Variants in LMBR1 observed in about 807,000 individuals in gnomAD.
The protein encoded by LMBR1 is limb development membrane protein 1, also known as limb region 1 protein homolog.
Under a neutral mutation model 73.9 loss-of-function variants are expected in LMBR1, and 52 were observed. The observed-to-expected ratio is 0.70, with a 90% CI of 0.56 to 0.89. The LOEUF is 0.89. LMBR1 is among the 40% of genes least tolerant of loss of function. The pLI is 0.00. For missense variants in LMBR1, 539 were observed against 579.8 expected, an observed-to-expected ratio of 0.93 and a Z score of 0.72; for synonymous variants, 215 against 209.4, an observed-to-expected ratio of 1.03 and a Z score of -0.23.
intron 15 of LMBR1, among the ~76,000 whole-genome samples, chr7:156,718,285 A>C (rs901090390): frequency 3.3e-5 from 5 of 151,914 alleles, no homozygotes; most frequent in African/African-American, 1.2e-4. Flanking sequence ...CTGTAATCCC[A>C]GGTACTTGCG....
chr7:156,687,981 A>G, intron 16 of LMBR1, 49 bp downstream of exon 16: 2 of 1,480,866 alleles, frequency 1.4e-6, no homozygotes, highest in Non-Finnish European at 1.8e-6. Flanking sequence ...TCAAATGTCA[A>G]AATTATTTAG....
At chr7:156,802,390 C>T (rs1229265833) in intron 4 of LMBR1, among the ~76,000 whole-genome samples, 1 of 152,126 alleles carries the variant, frequency 6.6e-6, no homozygotes, top group Non-Finnish European at 1.5e-5. Flanking sequence ...TTTTTTATTT[C>T]CCAATGCCTG....
chr7:156,833,725 C>A lies in LMBR1; in HGVS notation c.179+28G>T, dbSNP rs547440650. On this transcript the variant is annotated intron_variant, in intron 3 of 16. Coordinates refer to ENST00000353442, the MANE Select transcript of LMBR1 (RefSeq NM_022458.4). ...GAATTGATGACTTCAGAATCAGAAA[C>A]AGAACAACTGAACTTTAAAATACAT... 1.5e-5 allele frequency: 24 copies of A among 1,561,282 alleles called. No homozygotes were observed. In the East Asian group the frequency reaches 4.3e-4, roughly 28 times the overall value.
At chr7:156,727,888 T>C (rs763061280) in intron 12 of LMBR1, 42 bp downstream of exon 12, 1 of 1,393,866 alleles carries the variant, frequency 7.2e-7, no homozygotes. Flanking sequence ...AGACATAGAA[T>C]ACTTTTGCAA....
At chr7:156,808,547 T>C (rs150762515) in intron 4 of LMBR1, among the ~76,000 whole-genome samples, 36 of 152,344 alleles carry the variant, frequency 2.4e-4, no homozygotes, top group African/African-American at 7.9e-4. Flanking sequence ...TGCCTTTTAG[T>C]TGTAGTGTTT....
intron 15 of LMBR1, 42 bp downstream of exon 15, chr7:156,724,070 A>G (rs1815188338): frequency 6.9e-7 from 1 of 1,458,104 alleles, no homozygotes; most frequent in Non-Finnish European, 9.6e-7. Flanking sequence ...ACAGTTTTTA[A>G]AAACATGGAT....
intron 4 of LMBR1, among the ~76,000 whole-genome samples, chr7:156,804,008 G>T (rs1364439444): frequency 1.6e-5 from 2 of 123,736 alleles, no homozygotes; most frequent in Non-Finnish European, 3.4e-5. Flanking sequence ...TGGGGGGAGG[G>T]GGGAGGGATA....
chr7:156,671,980 G>A (rs903587570), intron 4 of LMBR1, among the ~76,000 whole-genome samples: 7 of 152,152 alleles, frequency 4.6e-5, no homozygotes, highest in Admixed American at 3.9e-4. Flanking sequence ...CTTGTGGAAT[G>A]GAATATTTCA....
intron 1 of LMBR1, among the ~76,000 whole-genome samples, chr7:156,868,200 T>C (rs1196612513): frequency 1.3e-5 from 2 of 151,078 alleles, no homozygotes; most frequent in Non-Finnish European, 3.0e-5. Flanking sequence ...ATTTTCTTTT[T>C]TTTTTTTTTT....
At chr7:156,736,127 T>C (rs921901509) in intron 9 of LMBR1, among the ~76,000 whole-genome samples, 2 of 152,196 alleles carry the variant, frequency 1.3e-5, no homozygotes, top group Non-Finnish European at 2.9e-5. Context: ...GACGTCCTAA[T>C]GGCATAGCTT....
intron 3 of LMBR1, among the ~76,000 whole-genome samples, chr7:156,829,307 TC>T (rs1362161854): frequency 2.6e-5 from 4 of 152,178 alleles, no homozygotes; most frequent in Non-Finnish European, 5.9e-5. Flanking sequence ...ATCTGTCCCC[TC>T]CAAATATCAT....
At chr7:156,802,155 G>A (rs1414561180) in intron 4 of LMBR1, among the ~76,000 whole-genome samples, 1 of 152,172 alleles carries the variant, frequency 6.6e-6, no homozygotes, top group Non-Finnish European at 1.5e-5. Flanking sequence ...GCTAATTTTT[G>A]TATTTTCAGT....
intron 15 of LMBR1, among the ~76,000 whole-genome samples, chr7:156,704,264 C>T (rs1047107326): frequency 1.4e-4 from 21 of 152,148 alleles, no homozygotes; most frequent in African/African-American, 5.1e-4. Context: ...CATTCCAGTC[C>T]CCAGTACAAC....
At chr7:156,864,873 G>A (rs1798229906) in intron 1 of LMBR1, among the ~76,000 whole-genome samples, 1 of 151,694 alleles carries the variant, frequency 6.6e-6, no homozygotes, top group Non-Finnish European at 1.5e-5. Flanking sequence ...GTGGGTGCTT[G>A]TAATACCAGG....
At chr7:156,674,713 G>A (rs947540116), downstream of LMBR1, among the ~76,000 whole-genome samples, 14 of 152,152 alleles carry the variant, frequency 9.2e-5, no homozygotes, top group African/African-American at 2.4e-5. Context: ...ACAAAGTACT[G>A]TATTCAATTA....
intron 4 of LMBR1, among the ~76,000 whole-genome samples, chr7:156,813,758 T>C (rs1332507675): frequency 6.6e-6 from 1 of 152,178 alleles, no homozygotes; most frequent in Non-Finnish European, 1.5e-5. Context: ...AATTTTAAAA[T>C]AATAATGAAA....
intron 4 of LMBR1, among the ~76,000 whole-genome samples, chr7:156,672,045 GA>G (rs11289679): frequency 0.083 from 12,595 of 152,162 alleles, 578 homozygotes; most frequent in South Asian, 0.19. Flanking sequence ...TTCTTCTGTG[GA>G]ATCAAACACC....
At chr7:156,797,994 TTC>T (rs1448730181) in intron 4 of LMBR1, among the ~76,000 whole-genome samples, 2 of 152,046 alleles carry the variant, frequency 1.3e-5, no homozygotes, top group Non-Finnish European at 2.9e-5. Context: ...AAGCCAAACA[TTC>T]TGTTTTCTTT....
intron 4 of LMBR1, among the ~76,000 whole-genome samples, chr7:156,805,066 T>C (rs762554258): frequency 3.9e-5 from 6 of 151,920 alleles, no homozygotes; most frequent in Non-Finnish European, 5.9e-5. Context: ...AAAATTGTTC[T>C]AGCACCATTT....
Sources: gnomAD v4.1 joint callset for allele counts (sites outside exome capture counted in the v4.1 genomes callset) on GRCh38, gnomAD v4.1.1 for gene constraint, MANE v1.5 for transcripts, NCBI Gene and HGNC (gene_info 2026-07-23, HGNC 2026-07-21) for gene names.